Variants in ADK observed in about 807,000 individuals in gnomAD.
ADK encodes the protein adenosine kinase.
A neutral mutation model predicts 44.7 loss-of-function variants in ADK; 24 were observed. That is an observed-to-expected ratio of 0.54 (90% CI 0.39 to 0.76). The LOEUF (loss-of-function observed/expected upper bound fraction) is 0.76. ADK is among the 30% of genes least tolerant of loss of function. The pLI is 0.00. For missense variants in ADK, 321 were observed against 425.1 expected, an observed-to-expected ratio of 0.76 and a Z score of 2.15; for synonymous variants, 128 against 142.6, an observed-to-expected ratio of 0.90 and a Z score of 0.73.
At chr10:74,482,217 A>G (rs373458911) in intron 6 of ADK, among the ~76,000 whole-genome samples, 1 of 152,188 alleles carries the variant, frequency 6.6e-6, no homozygotes, top group Non-Finnish European at 1.5e-5. Context: ...GGGAGGCCTC[A>G]GGAAACTTTC....
intron 7 of ADK, among the ~76,000 whole-genome samples, chr10:74,584,466 C>T (rs1851466791): frequency 6.6e-6 from 1 of 152,114 alleles, no homozygotes; most frequent in Non-Finnish European, 1.5e-5. Flanking sequence ...TTTCCATTGG[C>T]TATAATTGCT....
chr10:74,418,301 G>A (rs1434022952), intron 6 of ADK, among the ~76,000 whole-genome samples: 1 of 152,084 alleles, frequency 6.6e-6, no homozygotes, highest in African/African-American at 2.4e-5. Flanking sequence ...TTAGATTGTC[G>A]ATAAACTTCC....
intron 7 of ADK, among the ~76,000 whole-genome samples, chr10:74,564,185 G>A (rs766013074): frequency 2.6e-5 from 4 of 151,952 alleles, no homozygotes; most frequent in South Asian, 2.1e-4. Context: ...AGAATGATGC[G>A]TCTTTGGCTT....
intron 7 of ADK, among the ~76,000 whole-genome samples, chr10:74,575,489 C>G (rs1851152166): frequency 6.6e-6 from 1 of 152,060 alleles, no homozygotes; most frequent in Non-Finnish European, 1.5e-5. Context: ...TGAACTAACC[C>G]TGGAGGGATG....
intron 7 of ADK, chr10:74,530,577 A>G (rs1849242787): frequency 1.3e-5 from 2 of 152,200 alleles, no homozygotes; most frequent in Admixed American, 1.3e-4. Flanking sequence ...TAAATAAGAT[A>G]AACCTGATGA....
chr10:74,438,156 T>C (rs1845250073), intron 6 of ADK, among the ~76,000 whole-genome samples: 1 of 151,868 alleles, frequency 6.6e-6, no homozygotes, highest in Non-Finnish European at 1.5e-5. Flanking sequence ...TGCAGTTATC[T>C]CCATTTGTAA....
intron 1 of ADK, among the ~76,000 whole-genome samples, chr10:74,158,760 G>A (rs766955764): frequency 1.3e-5 from 2 of 152,198 alleles, no homozygotes; most frequent in Non-Finnish European, 2.9e-5. Context: ...TCTCATCAGA[G>A]TTAGTTCCTA....
intron 3 of ADK, among the ~76,000 whole-genome samples, chr10:74,283,726 G>T (rs1847043432): frequency 6.8e-6 from 1 of 146,330 alleles, no homozygotes; most frequent in Non-Finnish European, 1.5e-5. Context: ...TCTTGCCCAG[G>T]CTGGAGTGCA....
chr10:74,693,239 TG>T (rs921328200), intron 10 of ADK, among the ~76,000 whole-genome samples: 33 of 152,284 alleles, frequency 2.2e-4, no homozygotes, highest in African/African-American at 7.9e-4. Context: ...TAGGTGGAAC[TG>T]GGGAGTAAGG....
At position 74,348,214 on chromosome 10, in the gene ADK, G is replaced by T. The variant is rs540324243; in HGVS notation, c.273+33469G>T. 1.2e-4 allele frequency among the ~76,000 whole-genome samples: 18 copies of T among 152,246 alleles called. 2 individuals carry two copies. The South Asian group carries it at 3.7e-3, about 32-fold the overall frequency. On this transcript the variant is annotated intron_variant, in intron 4 of 10. Transcript: ENST00000539909. ...GCTGGCATCAGGCTGGTGCCCCTCT[G>T]GGACGAAGCTTCTAGAGGAAGGACC...
chr10:74,476,473 C>T (rs572725756), intron 6 of ADK, among the ~76,000 whole-genome samples: 24 of 150,170 alleles, frequency 1.6e-4, no homozygotes, highest in African/African-American at 5.9e-4. Context: ...GCCTGCGTAA[C>T]AAGAGCAAAA....
intron 3 of ADK, among the ~76,000 whole-genome samples, chr10:74,276,892 T>G (rs1846700116): frequency 6.6e-6 from 1 of 151,192 alleles, no homozygotes; most frequent in Non-Finnish European, 1.5e-5. Flanking sequence ...TTTTACTTTC[T>G]TTGGGTTTAT....
At position 74,561,936 on chromosome 10, in the gene ADK, G is replaced by A. The variant is rs76110803; in HGVS notation, c.727-27346G>A. Among the ~76,000 whole-genome samples the A allele has an allele frequency of 2.6e-3, 401 of 152,238 alleles. 3 individuals are homozygous for A. Among genetic ancestry groups the A allele is most frequent in the African/African-American group, 9.2e-3 (382 of 41,540 alleles). ...CCTAGAGTTTACCAACTAATATGAC[G>A]GTCTAGAGTTACATTTAAGTGAAAT... On this transcript the variant is annotated intron_variant, in intron 7 of 10. Transcript: ENST00000539909.
At chr10:74,450,630 G>T (rs1845740421) in intron 6 of ADK, among the ~76,000 whole-genome samples, 1 of 152,050 alleles carries the variant, frequency 6.6e-6, no homozygotes, top group African/African-American at 2.4e-5. Context: ...GATTTTTAAT[G>T]TTCCTGTTTT....
chr10:74,589,333 A>G lies in ADK; in HGVS notation c.762+16A>G, dbSNP rs189977378. 6.2e-7 allele frequency: 1 copy of G among 1,613,366 alleles called. No homozygotes were observed. Among genetic ancestry groups the G allele is most frequent in the South Asian group, 1.1e-5 (1 of 91,070 alleles). ...AGGCTTTGAGGTGAGTTAACCCACAATTGCACACTAAACAGATCCTAAAGG... is the reference window on the plus strand; with the variant it reads ...AGGCTTTGAGGTGAGTTAACCCACAGTTGCACACTAAACAGATCCTAAAGG... On this transcript the variant is annotated intron_variant, in intron 8 of 10. Coordinates refer to ENST00000539909, the MANE Select transcript of ADK (RefSeq NM_006721.4).
At chr10:74,397,516 CTTG>C (rs1564698127) in intron 5 of ADK, among the ~76,000 whole-genome samples, 1 of 151,898 alleles carries the variant, frequency 6.6e-6, no homozygotes, top group Non-Finnish European at 1.5e-5. Flanking sequence ...CCAAGTGACA[CTTG>C]TAGCAGGATT....
chr10:74,638,757 G>T (rs1853715751), intron 9 of ADK, among the ~76,000 whole-genome samples: 1 of 152,094 alleles, frequency 6.6e-6, no homozygotes, highest in African/African-American at 2.4e-5. Context: ...GTGTCATCCT[G>T]GTTGTGGTTG....
Position 74,158,732 on chromosome 10 carries a change from T to C in ADK, c.65+7389T>C, listed in dbSNP as rs773689294. On this transcript the variant is annotated intron_variant, in intron 1 of 10. Coordinates refer to ENST00000539909, the MANE Select transcript of ADK (RefSeq NM_006721.4). ...TAGTTTACTTTTAAAAGTTGGCTACTGTGCAGGAACAATAATTTCTCATCA... is the reference window on the plus strand; with the variant it reads ...TAGTTTACTTTTAAAAGTTGGCTACCGTGCAGGAACAATAATTTCTCATCA... Among the ~76,000 whole-genome samples the C allele has an allele frequency of 5.3e-4, 81 of 152,260 alleles. 1 individual carries two copies. The highest frequency in any genetic ancestry group is 1.4e-3 in the Admixed American group (22 of 15,280).
At chr10:74,340,007 G>A (rs893418584) in intron 4 of ADK, among the ~76,000 whole-genome samples, 1 of 152,056 alleles carries the variant, frequency 6.6e-6, no homozygotes, top group Non-Finnish European at 1.5e-5. Flanking sequence ...TCTTGTTTGT[G>A]CTGCTCTTTA....
Sources: gnomAD v4.1 joint callset for allele counts (sites outside exome capture counted in the v4.1 genomes callset) on GRCh38, gnomAD v4.1.1 for gene constraint, MANE v1.5 for transcripts, NCBI Gene and HGNC (gene_info 2026-07-23, HGNC 2026-07-21) for gene names.